The following TOX variants were observed in gnomAD, a reference collection of about 807,000 sequenced individuals.
The protein encoded by TOX is thymocyte selection-associated high mobility group box protein TOX.
In TOX, 11 loss-of-function variants were observed where a neutral mutation model predicts 53.7. The ratio of observed to expected loss-of-function variants is 0.20; its 90% CI spans 0.13 to 0.34. TOX has a LOEUF of 0.34. Ranked by LOEUF, TOX falls within the 10% of genes least tolerant of loss-of-function variation. TOX has a pLI of 1.00. For missense variants in TOX, 570 were observed against 664.6 expected (o/e 0.86, Z 1.56); for synonymous variants, 225 against 245.3 (o/e 0.92, Z 0.77).
At chr8:58,910,911 C>T (rs529369165) in intron 3 of TOX, among the ~76,000 whole-genome samples, 6 of 152,296 alleles carry the variant, frequency 3.9e-5, no homozygotes, top group Non-Finnish European at 8.8e-5. Flanking sequence ...GGCTAGAGAT[C>T]TGAGCATCTA....
chr8:59,054,947 AAG>A (rs149579438), intron 1 of TOX, among the ~76,000 whole-genome samples: 1,747 of 141,344 alleles, frequency 0.012, 31 homozygotes, highest in African/African-American at 0.038. Context: ...AGAAAGGAAA[AAG>A]AGAGGAGGGA....
chr8:58,863,083 A>T (rs943266545), intron 3 of TOX, among the ~76,000 whole-genome samples: 2 of 152,180 alleles, frequency 1.3e-5, no homozygotes, highest in Admixed American at 6.5e-5. Context: ...TTATGTCATT[A>T]TGGTCTAAAG....
intron 1 of TOX, among the ~76,000 whole-genome samples, chr8:59,076,355 TGAG>T (rs911937175): frequency 6.6e-6 from 1 of 152,184 alleles, no homozygotes; most frequent in Non-Finnish European, 1.5e-5. Context: ...AAAAACCAAA[TGAG>T]GAGATGTGAG....
intron 5 of TOX, among the ~76,000 whole-genome samples, chr8:58,831,452 A>G (rs1407575106): frequency 1.3e-5 from 2 of 152,180 alleles, no homozygotes; most frequent in African/African-American, 4.8e-5. Context: ...TAATTCTTTC[A>G]ATAAAAATGT....
intron 3 of TOX, among the ~76,000 whole-genome samples, chr8:58,925,385 C>A (rs1204197962): frequency 6.6e-6 from 1 of 152,106 alleles, no homozygotes; most frequent in South Asian, 2.1e-4. Flanking sequence ...GCCCAAGATG[C>A]CAAAAGGAAA....
intron 2 of TOX, among the ~76,000 whole-genome samples, chr8:58,955,698 A>G (rs184059534): frequency 1.1e-4 from 16 of 151,864 alleles, no homozygotes; most frequent in Non-Finnish European, 1.6e-4. Context: ...TGGAAAACAC[A>G]GAATGAACAA....
chr8:58,890,894 C>G (rs996258405), intron 3 of TOX, among the ~76,000 whole-genome samples: 2 of 152,052 alleles, frequency 1.3e-5, no homozygotes, highest in African/African-American at 4.8e-5. Context: ...GGTGTTCACA[C>G]TTAAGACTGG....
At chr8:59,035,024 C>A (rs1031807033) in intron 1 of TOX, among the ~76,000 whole-genome samples, 10 of 152,054 alleles carry the variant, frequency 6.6e-5, no homozygotes, top group Admixed American at 4.6e-4. Context: ...GTGCTCTGAT[C>A]CTCCCAGGTG....
chr8:59,004,162 G>T (rs555139064), intron 1 of TOX, among the ~76,000 whole-genome samples: 49 of 152,158 alleles, frequency 3.2e-4, no homozygotes, highest in Non-Finnish European at 6.5e-4. Context: ...GAGAAAAACA[G>T]TTCAATGTCA....
intron 1 of TOX, among the ~76,000 whole-genome samples, chr8:59,076,379 TCTGAATGGTGGATG>T (rs1445459407): frequency 6.6e-6 from 1 of 152,222 alleles, no homozygotes; most frequent in Non-Finnish European, 1.5e-5. Flanking sequence ...AGTGCCTTTG[TCTGAATGGTGGATG>T]CTTCTCAAGT....
intron 1 of TOX, among the ~76,000 whole-genome samples, chr8:58,997,896 C>T (rs1295576878): frequency 1.3e-5 from 2 of 152,002 alleles, no homozygotes; most frequent in African/African-American, 2.4e-5. Flanking sequence ...GGGTTCACGC[C>T]ATTCTCCTGC....
chr8:59,111,515 C>G (rs935834470), intron 1 of TOX, among the ~76,000 whole-genome samples: 1 of 151,906 alleles, frequency 6.6e-6, no homozygotes, highest in South Asian at 2.1e-4. Flanking sequence ...CAGAAATATT[C>G]CAGAACCATG....
At chr8:58,986,268 G>A (rs542319651) in intron 1 of TOX, among the ~76,000 whole-genome samples, 1 of 152,176 alleles carries the variant, frequency 6.6e-6, no homozygotes, top group Non-Finnish European at 1.5e-5. Context: ...CTGAGTGCTG[G>A]TGTCTCATGG....
chr8:59,085,401 CTTTT>C (rs1446288895), intron 1 of TOX, among the ~76,000 whole-genome samples: 4 of 149,332 alleles, frequency 2.7e-5, no homozygotes, highest in Non-Finnish European at 5.9e-5. Flanking sequence ...TTTATTTTTT[CTTTT>C]TAAGACAGGG....
rs571534418 is a variant in TOX at position 58,940,265 on chromosome 8, TAG to T, written c.169-723_169-722del. 4.8e-3 allele frequency among the ~76,000 whole-genome samples: 723 copies of T among 152,022 alleles called. 2 individuals are homozygous for T. Among genetic ancestry groups the T allele is most frequent in the African/African-American group, 0.017 (699 of 41,508 alleles). On this transcript the variant is annotated intron_variant, in intron 2 of 8. Transcript: ENST00000361421. ...GTTCTGTCCATTTTGAAAGACAAAA[TAG>T]TACTAATATTATTATAATACTAATT...
chr8:59,098,573 G>A (rs999919402), intron 1 of TOX, among the ~76,000 whole-genome samples: 1 of 152,026 alleles, frequency 6.6e-6, no homozygotes, highest in Non-Finnish European at 1.5e-5. Context: ...CTTAAAATAG[G>A]GCCTTTCAAG....
At chr8:59,115,642 G>C (rs554350191) in intron 1 of TOX, among the ~76,000 whole-genome samples, 1 of 152,154 alleles carries the variant, frequency 6.6e-6, no homozygotes, top group Non-Finnish European at 1.5e-5. Flanking sequence ...GCATTAGGCT[G>C]CAAGAGGTGA....
intron 1 of TOX, among the ~76,000 whole-genome samples, chr8:59,065,605 GC>G (rs1227498511): frequency 6.6e-6 from 1 of 152,144 alleles, no homozygotes; most frequent in Non-Finnish European, 1.5e-5. Context: ...AAAGTTAAGT[GC>G]CTTGTTCTGA....
chr8:59,072,802 C>A (rs1461305448), intron 1 of TOX, among the ~76,000 whole-genome samples: 1 of 152,072 alleles, frequency 6.6e-6, no homozygotes, highest in African/African-American at 2.4e-5. Flanking sequence ...AAAACAAAAA[C>A]CTATTATTGA....
Sources: gnomAD v4.1 joint callset for allele counts (sites outside exome capture counted in the v4.1 genomes callset) on GRCh38, gnomAD v4.1.1 for gene constraint, MANE v1.5 for transcripts, NCBI Gene and HGNC (gene_info 2026-07-23, HGNC 2026-07-21) for gene names.